CBLB: variants seen among roughly 807,000 people sequenced by gnomAD.
CBLB encodes Cbl proto-oncogene B.
CBLB carries 31 observed loss-of-function variants against 104.9 expected under a neutral mutation model. The ratio of observed to expected loss-of-function variants is 0.30; its 90% CI spans 0.22 to 0.40. CBLB has a LOEUF of 0.40. Among genes scored for constraint, CBLB ranks in the 10% least tolerant of loss-of-function variants. The pLI, the probability that CBLB is intolerant of heterozygous loss-of-function variation, is 1.00. For missense variants in CBLB, 1,062 were observed against 1,214.6 expected (o/e 0.87, Z 1.87); for synonymous variants, 440 against 422.6 (o/e 1.04, Z -0.51).
chr3:105,838,728 C>A (rs2089037298), intron 3 of CBLB, among the ~76,000 whole-genome samples: 1 of 149,634 alleles, frequency 6.7e-6, no homozygotes, highest in African/African-American at 2.5e-5. Context: ...CGGCTCACTG[C>A]AATCTCCACC....
intron 3 of CBLB, among the ~76,000 whole-genome samples, chr3:105,838,952 C>A (rs1457644957): frequency 1.3e-5 from 2 of 152,128 alleles, no homozygotes; most frequent in Non-Finnish European, 2.9e-5. Flanking sequence ...AAGTGGATTC[C>A]TCTGGTAGTA....
chr3:105,765,984 G>C (rs1427543235), intron 4 of CBLB, among the ~76,000 whole-genome samples: 4 of 152,152 alleles, frequency 2.6e-5, no homozygotes, highest in Non-Finnish European at 5.9e-5. Flanking sequence ...TCGTGGAAAG[G>C]ATTCACCTTT....
At chr3:105,697,251 G>C (rs554765617) in intron 12 of CBLB, among the ~76,000 whole-genome samples, 1 of 151,810 alleles carries the variant, frequency 6.6e-6, no homozygotes, top group Non-Finnish European at 1.5e-5. Context: ...AAACTGGCTT[G>C]TATAATTTAT....
chr3:105,702,908 C>A (rs1377107820), intron 11 of CBLB, among the ~76,000 whole-genome samples: 1 of 151,972 alleles, frequency 6.6e-6, no homozygotes, highest in East Asian at 1.9e-4. Flanking sequence ...AAAGCTTTTT[C>A]TTTATTTTTG....
chr3:105,776,691 G>A, intron 3 of CBLB, 149 bp from the exon 4 acceptor site: 1 of 663,418 alleles, frequency 1.5e-6, no homozygotes, highest in South Asian at 2.1e-5. Flanking sequence ...ACTTAATGCT[G>A]CCCTTAAAAA....
chr3:105,717,755 G>A (rs1425443649), intron 10 of CBLB, among the ~76,000 whole-genome samples: 1 of 152,150 alleles, frequency 6.6e-6, no homozygotes, highest in Admixed American at 6.5e-5. Flanking sequence ...CTCCGCATAT[G>A]TAGCTCTCTC....
intron 2 of CBLB, among the ~76,000 whole-genome samples, chr3:105,854,423 T>G (rs2091337262): frequency 6.6e-6 from 1 of 152,142 alleles, no homozygotes; most frequent in African/African-American, 2.4e-5. Context: ...CACATTCTTA[T>G]CCCTCCAGAA....
intron 12 of CBLB, among the ~76,000 whole-genome samples, chr3:105,697,082 A>T (rs187023760): frequency 6.6e-6 from 1 of 151,932 alleles, no homozygotes; most frequent in East Asian, 1.9e-4. Flanking sequence ...TTACCTCTTA[A>T]TCACATGCCT....
chr3:105,859,418 G>A (rs758720763), intron 2 of CBLB, among the ~76,000 whole-genome samples: 8 of 152,144 alleles, frequency 5.3e-5, no homozygotes, highest in South Asian at 2.1e-4. Context: ...TTGGGAGGCC[G>A]AGGCGAGCGG....
chr3:105,721,943 G>A (rs1406711899), intron 9 of CBLB, among the ~76,000 whole-genome samples: 1 of 152,032 alleles, frequency 6.6e-6, no homozygotes, highest in Non-Finnish European at 1.5e-5. Flanking sequence ...TACTTTTACA[G>A]ATTTACATAA....
chr3:105,725,918 C>G (rs2152839268), intron 9 of CBLB, among the ~76,000 whole-genome samples: 1 of 152,132 alleles, frequency 6.6e-6, no homozygotes. Context: ...GCCGTGATCT[C>G]AGCTCACTGA....
At chr3:105,847,262 C>T (rs376558279) in intron 3 of CBLB, among the ~76,000 whole-genome samples, 1 of 151,934 alleles carries the variant, frequency 6.6e-6, no homozygotes, top group Non-Finnish European at 1.5e-5. Flanking sequence ...CTTTGTTTAG[C>T]CAAACAGTCA....
intron 5 of CBLB, chr3:105,749,658 T>A (rs2076415863): frequency 5.3e-6 from 1 of 190,334 alleles, no homozygotes; most frequent in Non-Finnish European, 1.1e-5. Flanking sequence ...TGTAGGAAGA[T>A]TACTTTTACT....
At chr3:105,864,125 C>G (rs1212698373) in intron 2 of CBLB, among the ~76,000 whole-genome samples, 1 of 152,188 alleles carries the variant, frequency 6.6e-6, no homozygotes, top group Non-Finnish European at 1.5e-5. Flanking sequence ...AGAAAACTGT[C>G]TCAACACTGG....
At chr3:105,799,948 GT>G (rs1041472509) in intron 3 of CBLB, among the ~76,000 whole-genome samples, 1 of 152,088 alleles carries the variant, frequency 6.6e-6, no homozygotes, top group Non-Finnish European at 1.5e-5. Context: ...AATAAACATT[GT>G]TTTTTAGACT....
At chr3:105,740,143 G>T (rs575358483) in intron 7 of CBLB, among the ~76,000 whole-genome samples, 1 of 151,854 alleles carries the variant, frequency 6.6e-6, no homozygotes, top group Admixed American at 6.6e-5. Context: ...GTATTCTAAG[G>T]GTTATATGAA....
intron 3 of CBLB, among the ~76,000 whole-genome samples, chr3:105,840,941 CT>C (rs1033601368): frequency 1.3e-4 from 19 of 151,242 alleles, no homozygotes; most frequent in African/African-American, 4.6e-4. Context: ...AATGAAAAGT[CT>C]TTGTAAAACT....
At chr3:105,781,961 A>G (rs1260398428) in intron 3 of CBLB, among the ~76,000 whole-genome samples, 1 of 152,224 alleles carries the variant, frequency 6.6e-6, no homozygotes, top group African/African-American at 2.4e-5. Context: ...AATGAAACTC[A>G]CATCCAGCTA....
At chr3:105,682,924 A>G (rs2066496145) in intron 14 of CBLB, among the ~76,000 whole-genome samples, 1 of 152,252 alleles carries the variant, frequency 6.6e-6, no homozygotes, top group Non-Finnish European at 1.5e-5. Flanking sequence ...ATATAGCTCT[A>G]TAACAATCAA....
Sources: allele counts gnomAD v4.1 joint callset (sites outside exome capture counted in the v4.1 genomes callset), GRCh38; gene constraint gnomAD v4.1.1; transcripts MANE v1.5; gene names NCBI Gene and HGNC (gene_info 2026-07-23, HGNC 2026-07-21).